The following LRP1B variants were observed in gnomAD, a reference collection of about 807,000 sequenced individuals.
The protein encoded by LRP1B is LDL receptor related protein 1B.
LRP1B carries 217 observed loss-of-function variants against 556.6 expected under a neutral mutation model. The ratio of observed to expected loss-of-function variants is 0.39; its 90% CI spans 0.35 to 0.44. The LOEUF is 0.44. Among genes scored for constraint, LRP1B ranks in the 20% least tolerant of loss-of-function variants. The probability of loss-of-function intolerance (pLI) is 1.00; values close to 1 mark genes in which losing one functional copy is unlikely to be tolerated. For synonymous variants in LRP1B, 2,047 were observed against 1,865.8 expected (o/e 1.10, Z -2.50); for missense variants, 5,053 against 5,620.8 (o/e 0.90, Z 3.23).
At chr2:141,075,796 T>C (rs1221445429) in intron 7 of LRP1B, among the ~76,000 whole-genome samples, 1 of 152,196 alleles carries the variant, frequency 6.6e-6, no homozygotes, top group African/African-American at 2.4e-5. Context: ...TAATTACCAG[T>C]TAGCTGAACT....
chr2:140,776,863 C>A (rs948350628), intron 32 of LRP1B, among the ~76,000 whole-genome samples: 1 of 131,198 alleles, frequency 7.6e-6, no homozygotes, highest in African/African-American at 3.0e-5. Context: ...TACAGTGTGC[C>A]ACAGATAAAA....
At chr2:141,773,929 G>T (rs753403240) in intron 2 of LRP1B, among the ~76,000 whole-genome samples, 9 of 152,094 alleles carry the variant, frequency 5.9e-5, no homozygotes. Flanking sequence ...TAAAAACGCA[G>T]GTATCAGTGT....
At chr2:140,594,937 ACTTT>A (rs1311193584) in intron 43 of LRP1B, among the ~76,000 whole-genome samples, 8 of 151,530 alleles carry the variant, frequency 5.3e-5, no homozygotes, top group South Asian at 2.1e-4. Flanking sequence ...TCGTAACTAT[ACTTT>A]CTATTTCCTA....
chr2:141,607,107 T>C (rs995034241), intron 2 of LRP1B, among the ~76,000 whole-genome samples: 2 of 151,518 alleles, frequency 1.3e-5, no homozygotes, highest in Admixed American at 6.6e-5. Context: ...ATTTGATTCA[T>C]ACCCTTACAA....
intron 23 of LRP1B, among the ~76,000 whole-genome samples, chr2:140,894,512 G>A (rs750595872): frequency 7.3e-6 from 1 of 136,794 alleles, no homozygotes; most frequent in African/African-American, 2.5e-5. Context: ...GATAAGTTGA[G>A]GTTGTGAGCC....
intron 1 of LRP1B, among the ~76,000 whole-genome samples, chr2:141,963,745 G>A (rs1223523823): frequency 6.8e-6 from 1 of 147,578 alleles, no homozygotes; most frequent in Non-Finnish European, 1.5e-5. Context: ...TCTGGCCAGG[G>A]CAATCAGGCA....
intron 31 of LRP1B, among the ~76,000 whole-genome samples, chr2:140,821,465 T>G (rs1691326223): frequency 1.3e-5 from 2 of 152,184 alleles, no homozygotes; most frequent in African/African-American, 4.8e-5. Context: ...GTGATTGTGC[T>G]GAGTAATAAG....
At chr2:141,697,469 C>T (rs543550194) in intron 2 of LRP1B, among the ~76,000 whole-genome samples, 4 of 151,868 alleles carry the variant, frequency 2.6e-5, no homozygotes, top group South Asian at 2.1e-4. Context: ...TACATTGAAA[C>T]GTGCATCGGG....
chr2:141,331,516 TTCTTTC>T (rs1417672711), intron 3 of LRP1B, among the ~76,000 whole-genome samples: 1 of 62,128 alleles, frequency 1.6e-5, no homozygotes, highest in African/African-American at 9.1e-5. Context: ...CTTTCTTTCT[TTCTTTC>T]TCTTTCTTTC....
intron 3 of LRP1B, among the ~76,000 whole-genome samples, chr2:141,450,143 G>A (rs1439730415): frequency 6.6e-6 from 1 of 152,124 alleles, no homozygotes; most frequent in Non-Finnish European, 1.5e-5. Context: ...GAGAGGGAGG[G>A]AGAAAGAGAT....
chr2:140,421,151 A>T (rs1157726849), intron 66 of LRP1B, among the ~76,000 whole-genome samples: 2 of 152,096 alleles, frequency 1.3e-5, no homozygotes, highest in Non-Finnish European at 2.9e-5. Flanking sequence ...TCCACTCGGG[A>T]GGCTGAGGCA....
intron 1 of LRP1B, among the ~76,000 whole-genome samples, chr2:141,910,140 CAAAAA>C (rs3039375): frequency 1.5e-5 from 2 of 131,738 alleles, no homozygotes; most frequent in Non-Finnish European, 3.2e-5. Flanking sequence ...GACTCCATCT[CAAAAA>C]AAAAAAAAAA....
At chr2:140,716,251 A>G (rs1218288947) in intron 36 of LRP1B, 149 bp from the exon 37 acceptor site, 1 of 578,064 alleles carries the variant, frequency 1.7e-6, no homozygotes, top group African/African-American at 1.9e-5. Flanking sequence ...CTAAGCAGAA[A>G]GCTGTAAATA....
In LRP1B at chr2:141,068,557, CAAAAA is replaced by C. The variant is rs564540035; in HGVS notation, c.1014-6289_1014-6285del. Among the ~76,000 whole-genome samples the C allele has an allele frequency of 5.6e-5, 4 of 71,598 alleles. No individual in the cohort carries two copies. In the East Asian group the frequency reaches 1.1e-3, roughly 20 times the overall value. The allele number at this position is 71,598 out of a possible 152,430, so 47.0% of individuals were successfully genotyped here. A position where few individuals can be genotyped will look rare whatever the true frequency, so the allele number is the denominator to read the frequency against. ...TCCTCCTGACTGCACATGTGGTTGG[CAAAAA>C]AAAAAAAAAAAAAAAGGAAAGATGG... On this transcript the variant is annotated intron_variant, in intron 7 of 90. Coordinates refer to ENST00000389484, the MANE Select transcript of LRP1B (RefSeq NM_018557.3).
chr2:141,830,821 T>G (rs1247995249), intron 1 of LRP1B, among the ~76,000 whole-genome samples: 1 of 151,814 alleles, frequency 6.6e-6, no homozygotes, highest in Admixed American at 6.6e-5. Flanking sequence ...AGACACTGGG[T>G]CCCAAACTGA....
At chr2:141,319,900 C>G (rs968665334) in intron 3 of LRP1B, among the ~76,000 whole-genome samples, 6 of 152,018 alleles carry the variant, frequency 3.9e-5, no homozygotes, top group African/African-American at 1.4e-4. Context: ...AGATTTTTAA[C>G]CTTAATATGA....
At chr2:141,150,909 G>GTT (rs1318727430) in intron 7 of LRP1B, among the ~76,000 whole-genome samples, 1 of 148,694 alleles carries the variant, frequency 6.7e-6, no homozygotes, top group Non-Finnish European at 1.5e-5. Flanking sequence ...GTGTGTGTGT[G>GTT]TGTGTTTGCC....
chr2:140,416,063 C>T (rs891488341), intron 66 of LRP1B, among the ~76,000 whole-genome samples: 1 of 152,162 alleles, frequency 6.6e-6, no homozygotes, highest in African/African-American at 2.4e-5. Flanking sequence ...CCAGGCCGCA[C>T]AGCAGGAGGC....
intron 3 of LRP1B, among the ~76,000 whole-genome samples, chr2:141,421,283 C>G (rs975081999): frequency 6.6e-6 from 1 of 152,102 alleles, no homozygotes; most frequent in Admixed American, 6.5e-5. Context: ...AATCCCAGCA[C>G]TTTGGGAGCC....
Sources: gnomAD v4.1 joint callset for allele counts (sites outside exome capture counted in the v4.1 genomes callset) on GRCh38, gnomAD v4.1.1 for gene constraint, MANE v1.5 for transcripts, NCBI Gene and HGNC (gene_info 2026-07-23, HGNC 2026-07-21) for gene names.